Variants in EXOC6B observed in about 807,000 individuals in gnomAD.
EXOC6B encodes the protein SEC15 homolog B.
In EXOC6B, 54 loss-of-function variants were observed where a neutral mutation model predicts 113.5. The ratio of observed to expected loss-of-function variants is 0.48; its 90% CI spans 0.38 to 0.60. The LOEUF (loss-of-function observed/expected upper bound fraction) is 0.60. EXOC6B is among the 20% of genes least tolerant of loss of function. The pLI, the probability that EXOC6B is intolerant of heterozygous loss-of-function variation, is 0.00. For synonymous variants in EXOC6B, 357 were observed against 339.0 expected (o/e 1.05, Z -0.58); for missense variants, 797 against 977.5 (o/e 0.82, Z 2.46).
chr2:72,474,761 T>C (rs1698632425), intron 17 of EXOC6B, among the ~76,000 whole-genome samples: 2 of 152,190 alleles, frequency 1.3e-5, no homozygotes, highest in Admixed American at 1.3e-4. Context: ...ATTTCATTAA[T>C]TTCTCTTTGG....
intron 20 of EXOC6B, among the ~76,000 whole-genome samples, chr2:72,201,916 T>C (rs1362668346): frequency 2.0e-5 from 3 of 152,106 alleles, no homozygotes; most frequent in Admixed American, 2.0e-4. Context: ...ACTACCAGTG[T>C]TTGGGTTGGA....
intron 1 of EXOC6B, among the ~76,000 whole-genome samples, chr2:72,777,334 C>G (rs1015727296): frequency 1.3e-5 from 2 of 152,016 alleles, no homozygotes; most frequent in Non-Finnish European, 2.9e-5. Context: ...AGATGAACAG[C>G]AAATTTCTCA....
chr2:72,793,213 CTT>C (rs1553485491), intron 1 of EXOC6B, among the ~76,000 whole-genome samples: 1 of 107,934 alleles, frequency 9.3e-6, no homozygotes, highest in Non-Finnish European at 2.1e-5. Context: ...GGGTAGTAGT[CTT>C]CAAACAAACA....
At chr2:72,823,460 A>G (rs1307913320) in intron 1 of EXOC6B, among the ~76,000 whole-genome samples, 12 of 97,900 alleles carry the variant, frequency 1.2e-4, no homozygotes, top group African/African-American at 4.8e-4. Flanking sequence ...AAGTTTTAAG[A>G]AAAAAAAAAA....
intron 11 of EXOC6B, among the ~76,000 whole-genome samples, chr2:72,505,010 G>C (rs1472802147): frequency 6.6e-6 from 1 of 152,000 alleles, no homozygotes; most frequent in African/African-American, 2.4e-5. Flanking sequence ...AGTTCGTGCT[G>C]TTATATACAA....
chr2:72,482,475 C>A (rs1005470052), intron 16 of EXOC6B, among the ~76,000 whole-genome samples: 1 of 148,894 alleles, frequency 6.7e-6, no homozygotes, highest in Non-Finnish European at 1.5e-5. Flanking sequence ...GTCTTTTGGT[C>A]TAGTGAGACA....
intron 6 of EXOC6B, among the ~76,000 whole-genome samples, chr2:72,673,528 C>T (rs893308814): frequency 8.6e-5 from 13 of 151,932 alleles, no homozygotes; most frequent in African/African-American, 2.9e-4. Context: ...TTATGTAAGC[C>T]CAGAGCTGCT....
intron 6 of EXOC6B, among the ~76,000 whole-genome samples, chr2:72,613,355 T>A (rs754441954): frequency 6.6e-6 from 1 of 151,584 alleles, no homozygotes; most frequent in Non-Finnish European, 1.5e-5. Context: ...ACAACAACAA[T>A]AAAAAACTGG....
intron 18 of EXOC6B, among the ~76,000 whole-genome samples, chr2:72,397,625 A>AAAAAAAAAATAAATAAAAT (rs1173279000): frequency 9.6e-6 from 1 of 104,140 alleles, no homozygotes; most frequent in Non-Finnish European, 1.8e-5. Context: ...CTCAAAAAAA[A>AAAAAAAAAATAAATAAAAT]AAAATAAAAT....
rs574519606 is a variant in EXOC6B, at chr2:72,274,143, T to G, written c.2196+60804A>C. Among the ~76,000 whole-genome samples, 7 of 152,280 alleles carry G rather than the reference T, an allele frequency of 4.6e-5. No individual in the cohort carries two copies. In the East Asian group the frequency reaches 1.4e-3, roughly 29 times the overall value. ...TGATGCTTCTAACTATCTGAATGTG[T>G]CTGTAAGTTGGAGAACATGTACCAG... On this transcript the variant is annotated intron_variant, in intron 20 of 21. Coordinates refer to ENST00000272427, the MANE Select transcript of EXOC6B (RefSeq NM_015189.3).
At chr2:72,183,956 G>A in intron 21 of EXOC6B, 119 bp downstream of exon 21, 1 of 579,280 alleles carries the variant, frequency 1.7e-6, no homozygotes, top group Non-Finnish European at 3.1e-6. Context: ...AGGGCCTATG[G>A]CAACTTCCAG....
chr2:72,265,306 G>A (rs1227473130), intron 20 of EXOC6B, among the ~76,000 whole-genome samples: 3 of 150,568 alleles, frequency 2.0e-5, no homozygotes, highest in Non-Finnish European at 4.4e-5. Flanking sequence ...ACAATGTGCA[G>A]GTTAGTTACA....
intron 6 of EXOC6B, among the ~76,000 whole-genome samples, chr2:72,673,036 T>C (rs750748787): frequency 6.6e-6 from 1 of 152,164 alleles, no homozygotes; most frequent in Non-Finnish European, 1.5e-5. Context: ...TTATCACATA[T>C]ACCCTGAAAA....
At chr2:72,643,620 G>A (rs1452157494) in intron 6 of EXOC6B, among the ~76,000 whole-genome samples, 4 of 101,560 alleles carry the variant, frequency 3.9e-5, no homozygotes, top group Admixed American at 1.1e-4. Context: ...TTGTGGGGTG[G>A]GGGGAGGGGG....
chr2:72,553,641 G>A (rs1703367280), intron 8 of EXOC6B, among the ~76,000 whole-genome samples: 1 of 151,966 alleles, frequency 6.6e-6, no homozygotes, highest in Non-Finnish European at 1.5e-5. Context: ...AAATCACTAA[G>A]TGACATACAG....
At chr2:72,738,823 A>G (rs777876816) in intron 2 of EXOC6B, among the ~76,000 whole-genome samples, 1 of 152,154 alleles carries the variant, frequency 6.6e-6, no homozygotes, top group Admixed American at 6.5e-5. Context: ...TAAAAATACA[A>G]AAATTGGCCA....
At chr2:72,461,312 AC>A (rs1322301751) in intron 18 of EXOC6B, among the ~76,000 whole-genome samples, 1 of 151,434 alleles carries the variant, frequency 6.6e-6, no homozygotes, top group Non-Finnish European at 1.5e-5. Context: ...TACATATGTA[AC>A]TAACCTGTAC....
At chr2:72,769,707 G>A (rs527627534) in intron 1 of EXOC6B, among the ~76,000 whole-genome samples, 2 of 152,200 alleles carry the variant, frequency 1.3e-5, no homozygotes, top group African/African-American at 2.4e-5. Context: ...AGCTACTCGA[G>A]AGGCTGAGAC....
At chr2:72,437,471 A>G (rs903530819) in intron 18 of EXOC6B, among the ~76,000 whole-genome samples, 1 of 152,180 alleles carries the variant, frequency 6.6e-6, no homozygotes, top group Non-Finnish European at 1.5e-5. Flanking sequence ...AGGCAGGAAT[A>G]TTTAAGTCTG....
Sources: allele counts gnomAD v4.1 joint callset (sites outside exome capture counted in the v4.1 genomes callset), GRCh38; gene constraint gnomAD v4.1.1; transcripts MANE v1.5; gene names NCBI Gene and HGNC (gene_info 2026-07-23, HGNC 2026-07-21).